The following COL10A1 variants were observed in gnomAD, a reference collection of about 807,000 sequenced individuals.
The protein encoded by COL10A1 is collagen alpha-1(X) chain.
COL10A1 carries 10 observed loss-of-function variants against 18.2 expected under a neutral mutation model. The observed-to-expected ratio is 0.55, with a 90% CI of 0.34 to 0.93. COL10A1 has a LOEUF of 0.93. Ranked by LOEUF, COL10A1 falls within the 40% of genes least tolerant of loss-of-function variation. COL10A1 has a pLI of 0.02. For synonymous variants in COL10A1, 330 were observed against 316.6 expected, an observed-to-expected ratio of 1.04 and a Z score of -0.45; for missense variants, 897 against 853.5, an observed-to-expected ratio of 1.05 and a Z score of -0.64.
At chr6:116,198,087 G>A in the COL10A1 span, among the ~76,000 whole-genome samples, 15 of 152,024 alleles carry the variant, frequency 9.9e-5, no homozygotes, top group African/African-American at 3.6e-4. Flanking sequence ...AGAGATCCTG[G>A]TAAATAAAAG....
At chr6:116,211,179 G>A in the COL10A1 span, among the ~76,000 whole-genome samples, 1 of 152,014 alleles carries the variant, frequency 6.6e-6, no homozygotes. Flanking sequence ...GTGGAGAGAT[G>A]TTTGTTTCAC....
Position 116,120,186 on chromosome 6 carries a change from G to T in COL10A1, c.1930C>A (p.Leu644Ile), listed in dbSNP as rs1779068100. Residue 644 changes from leucine to isoleucine, a missense_variant, in exon 3 of 3, where the codon CTC becomes ATC. Coordinates refer to ENST00000651968, the MANE Select transcript of COL10A1 (RefSeq NM_000493.4). ...AGCCACACCTGGTCATTTTCTGTGAGATCGATGATGGCACTCCCTGAAGCC... is the reference window on the plus strand; with the variant it reads ...AGCCACACCTGGTCATTTTCTGTGATATCGATGATGGCACTCCCTGAAGCC... ...DQASGSAIIDLTENDQVWLQL... is the reference protein window; with the variant it reads ...DQASGSAIIDITENDQVWLQL... 6.2e-7 allele frequency: 1 copy of T among 1,614,122 alleles called. No individual in the cohort carries two copies. The highest frequency in any genetic ancestry group is 8.5e-7 in the Non-Finnish European group (1 of 1,180,018).
chr6:116,126,933 T>TA (rs1219491349), upstream of COL10A1, among the ~76,000 whole-genome samples: 2 of 152,194 alleles, frequency 1.3e-5, no homozygotes, highest in Non-Finnish European at 2.9e-5. Flanking sequence ...AAGTAAACAC[T>TA]ATTGTTGTCA....
rs975751808 is a variant in COL10A1, at chr6:116,149,980, T to C, written c.-16+8634A>G. ...TACATTGGTGTACCTTTATTCCCTATGATGTCTCCCTTTGACATCTGCCCC... is the reference window on the plus strand; with the variant it reads ...TACATTGGTGTACCTTTATTCCCTACGATGTCTCCCTTTGACATCTGCCCC... On this transcript the variant is annotated intron_variant, in intron 1 of 1. Coordinates refer to the COL10A1 transcript ENST00000418500. 4.6e-5 allele frequency among the ~76,000 whole-genome samples: 7 copies of C among 152,358 alleles called. No homozygotes were observed. In the South Asian group the frequency reaches 1.4e-3, roughly 32 times the overall value.
Position 116,120,573 on chromosome 6 carries a change from G to A in COL10A1, c.1543C>T (p.Pro515Ser). 3 of 1,601,870 alleles carry A rather than the reference G, an allele frequency of 1.9e-6. No homozygotes were observed. Among genetic ancestry groups the A allele is most frequent in the Non-Finnish European group, 2.6e-6 (3 of 1,174,880 alleles). ...TCAGGCATGACTGCTTGACCTGGTG[G>A]GCCTGGAGGCCCAGGGGGCCCTGGA... ...GLPGPPGPPG[P>S]PGQAVMPEGF... The change falls in exon 3 of 3, where the codon CCA (proline) becomes TCA (serine). Residue 515 changes from proline (P) to serine (S), a missense_variant. Coordinates refer to ENST00000651968, the MANE Select transcript of COL10A1 (RefSeq NM_000493.4).
chr6:116,134,045 A>G (rs535571479), intron 1 of COL10A1, among the ~76,000 whole-genome samples: 1 of 152,332 alleles, frequency 6.6e-6, no homozygotes, highest in East Asian at 1.9e-4. Flanking sequence ...ACATGCTGTC[A>G]TCTTCCCCTA....
chr6:116,148,002 G>T (rs910393490), intron 1 of COL10A1, among the ~76,000 whole-genome samples: 1 of 151,738 alleles, frequency 6.6e-6, no homozygotes, highest in Non-Finnish European at 1.5e-5. Context: ...AAAAAGGTGG[G>T]GGGGGTTGGA....
chr6:116,161,418 A>G (rs1437223933), upstream of COL10A1, among the ~76,000 whole-genome samples: 1 of 152,078 alleles, frequency 6.6e-6, no homozygotes, highest in Non-Finnish European at 1.5e-5. Flanking sequence ...GCAGATAAAA[A>G]AAAAGAAATA....
chr6:116,121,128 G>C lies in COL10A1; in HGVS notation c.988C>G (p.Leu330Val). 6.2e-7 allele frequency: 1 copy of C among 1,613,608 alleles called. No individual in the cohort carries two copies. The highest frequency in any genetic ancestry group is 8.5e-7 in the Non-Finnish European group (1 of 1,179,784). The change falls in exon 3 of 3, where the codon CTT becomes GTT. Residue 330 changes from leucine to valine, a missense_variant. Physicochemically the swap from Leu to Val is conservative, Grantham distance 32. Coordinates refer to ENST00000651968, the MANE Select transcript of COL10A1 (RefSeq NM_000493.4). ...GAKGEQGPAG[L>V]PGKPGLTGPP... ...CCAGTCAGACCTGGCTTCCCAGGAAGACCTGCTGGCCCTTGTTCCCCTTTG... is the reference window on the plus strand; with the variant it reads ...CCAGTCAGACCTGGCTTCCCAGGAACACCTGCTGGCCCTTGTTCCCCTTTG...
intron 1 of COL10A1, among the ~76,000 whole-genome samples, chr6:116,149,013 T>G (rs1458387005): frequency 1.3e-5 from 2 of 152,234 alleles, no homozygotes; most frequent in African/African-American, 2.4e-5. Context: ...TTGTAGACTT[T>G]CCTTGATGTT....
upstream of COL10A1, among the ~76,000 whole-genome samples, chr6:116,129,022 C>A (rs949329353): frequency 3.3e-5 from 5 of 152,170 alleles, no homozygotes; most frequent in Non-Finnish European, 5.9e-5. Flanking sequence ...TCACTCAATT[C>A]TCTTTTCATT....
chr6:116,187,689 C>A, the COL10A1 span, among the ~76,000 whole-genome samples: 1 of 151,912 alleles, frequency 6.6e-6, no homozygotes, highest in Non-Finnish European at 1.5e-5. Context: ...TCCCTACTCA[C>A]ATATTAGACA....
chr6:116,160,009 T>C (rs1186386149), upstream of COL10A1, among the ~76,000 whole-genome samples: 1 of 152,166 alleles, frequency 6.6e-6, no homozygotes, highest in East Asian at 1.9e-4. Context: ...TTTATTCCAG[T>C]CAACTTTTGA....
intron 1 of COL10A1, among the ~76,000 whole-genome samples, chr6:116,153,737 T>A (rs60494998): frequency 6.6e-6 from 1 of 152,136 alleles, no homozygotes; most frequent in Non-Finnish European, 1.5e-5. Context: ...ACTTTCTTAC[T>A]GGTTTAGTCA....
the COL10A1 span, among the ~76,000 whole-genome samples, chr6:116,192,347 T>G: frequency 6.6e-6 from 1 of 152,052 alleles, no homozygotes; most frequent in Non-Finnish European, 1.5e-5. Flanking sequence ...AAAGGCATTA[T>G]TTCCGTTTTG....
At chr6:116,154,804 C>T (rs1780142756) in intron 1 of COL10A1, among the ~76,000 whole-genome samples, 2 of 152,176 alleles carry the variant, frequency 1.3e-5, no homozygotes, top group Admixed American at 1.3e-4. Flanking sequence ...GGATTAATAA[C>T]TCTTAGCAGA....
chr6:116,147,095 A>G (rs1218522959), intron 1 of COL10A1, among the ~76,000 whole-genome samples: 1 of 151,740 alleles, frequency 6.6e-6, no homozygotes, highest in African/African-American at 2.4e-5. Context: ...GAATCTGACA[A>G]TATTAAAAAA....
At chr6:116,188,828 A>G in the COL10A1 span, among the ~76,000 whole-genome samples, 4 of 151,714 alleles carry the variant, frequency 2.6e-5, no homozygotes, top group South Asian at 2.1e-4. Context: ...AAGATTATGT[A>G]TAACTTCTGA....
At chr6:116,176,713 C>G in the COL10A1 span, among the ~76,000 whole-genome samples, 1 of 152,166 alleles carries the variant, frequency 6.6e-6, no homozygotes, top group African/African-American at 2.4e-5. Context: ...TGCCCTTCCT[C>G]CAGCTGCTTA....
Sources: gnomAD v4.1 joint callset for allele counts (sites outside exome capture counted in the v4.1 genomes callset) on GRCh38, gnomAD v4.1.1 for gene constraint, MANE v1.5 for transcripts, NCBI Gene and HGNC (gene_info 2026-07-23, HGNC 2026-07-21) for gene names.